NETO2: variants seen among roughly 807,000 people sequenced by gnomAD.
NETO2 encodes neuropilin and tolloid-like protein 2.
A neutral mutation model predicts 62.5 loss-of-function variants in NETO2; 28 were observed. The observed-to-expected ratio is 0.45, with a 90% CI of 0.33 to 0.61. The LOEUF (loss-of-function observed/expected upper bound fraction) is 0.61. Ranked by LOEUF, NETO2 falls within the 20% of genes least tolerant of loss-of-function variation. The pLI is 0.02. For missense variants in NETO2, 548 were observed against 643.2 expected, an observed-to-expected ratio of 0.85 and a Z score of 1.60; for synonymous variants, 214 against 219.1, an observed-to-expected ratio of 0.98 and a Z score of 0.21.
chr16:47,125,873 C>T (rs138535847), intron 4 of NETO2, among the ~76,000 whole-genome samples: 1 of 152,260 alleles, frequency 6.6e-6, no homozygotes, highest in African/African-American at 2.4e-5. Flanking sequence ...TTTAAGTTTA[C>T]AATTCAGTGG....
At chr16:47,140,007 A>G (rs1964431695) in intron 1 of NETO2, among the ~76,000 whole-genome samples, 1 of 152,212 alleles carries the variant, frequency 6.6e-6, no homozygotes, top group Non-Finnish European at 1.5e-5. Flanking sequence ...AACATGTCTT[A>G]ATGTCATTTT....
Position 47,141,833 on chromosome 16 carries a change from A to G in NETO2, c.34+1746T>C, listed in dbSNP as rs144583078. ...CCAGAATCCTTTCCTGAAAGGTACA[A>G]CACTCAACGCTTCACCACGATGGCC... On this transcript the variant is annotated intron_variant, in intron 1 of 8. Transcript: ENST00000562435. 5.8e-4 allele frequency among the ~76,000 whole-genome samples: 89 copies of G among 152,334 alleles called. 1 individual carries two copies. The East Asian group carries it at 0.014, about 23-fold the overall frequency.
chr16:47,143,941 G>C lies in NETO2; in HGVS notation c.-329C>G, dbSNP rs2151499470. The C allele has an allele frequency of 6.1e-6, 1 of 164,196 alleles. No homozygotes were observed. Among genetic ancestry groups the C allele is most frequent in the East Asian group, 1.7e-4 (1 of 5,838 alleles). The allele number at this position is 164,196 out of a possible 1,614,324, so 10.2% of individuals were successfully genotyped here. On this transcript the variant is annotated 5_prime_UTR_variant, in exon 1 of 9. Coordinates refer to ENST00000562435, the MANE Select transcript of NETO2 (RefSeq NM_018092.5). ...CCGCGGCCCCGGCGCGGGATCCACT[G>C]AAGTGGCGGGCGCGGGGCGCCCAGG...
In NETO2 at chr16:47,132,018, T is replaced by C; in HGVS notation, c.42A>G (p.Leu14=). 1 of 1,611,424 alleles carries C rather than the reference T, an allele frequency of 6.2e-7. No homozygotes were observed. Among genetic ancestry groups the C allele is most frequent in the South Asian group, 1.1e-5 (1 of 90,958 alleles). Residue 14 remains leucine (L), a synonymous_variant, in exon 2 of 9, where the codon TTA becomes TTG. Coordinates refer to ENST00000562435, the MANE Select transcript of NETO2 (RefSeq NM_018092.5). ...TCCCTTCCACTACCAGTACTGTTAT[T>C]AACAACACTAGAGAAATAACAGAGA... ...ERLCSVLKVL[L]ITVLVVEGIA...
intron 6 of NETO2, among the ~76,000 whole-genome samples, chr16:47,122,134 A>G (rs974385811): frequency 3.3e-5 from 5 of 152,172 alleles, no homozygotes; most frequent in African/African-American, 1.2e-4. Flanking sequence ...ATCCAATCTC[A>G]ATCTGTCAGA....
intron 1 of NETO2, among the ~76,000 whole-genome samples, chr16:47,137,532 T>C (rs931516927): frequency 1.3e-5 from 2 of 152,154 alleles, no homozygotes; most frequent in Non-Finnish European, 2.9e-5. Flanking sequence ...TTTGGAAACG[T>C]TGAACTTGAG....
intron 7 of NETO2, among the ~76,000 whole-genome samples, chr16:47,103,470 C>G (rs1963600052): frequency 6.6e-6 from 1 of 152,220 alleles, no homozygotes; most frequent in African/African-American, 2.4e-5. Context: ...AATCCTCAAA[C>G]TCTTTGAAAA....
intron 6 of NETO2, among the ~76,000 whole-genome samples, chr16:47,112,304 T>G (rs1441758781): frequency 6.6e-6 from 1 of 152,200 alleles, no homozygotes; most frequent in Non-Finnish European, 1.5e-5. Context: ...TAATGGTGAC[T>G]TTTAACATTT....
chr16:47,138,291 T>C (rs769734398), intron 1 of NETO2, among the ~76,000 whole-genome samples: 2 of 152,132 alleles, frequency 1.3e-5, no homozygotes, highest in Non-Finnish European at 2.9e-5. Flanking sequence ...TCCCAGCTAC[T>C]GGGGAGGCTG....
chr16:47,132,300 T>TAA (rs752562207), intron 1 of NETO2, among the ~76,000 whole-genome samples: 1 of 143,050 alleles, frequency 7.0e-6, no homozygotes. Context: ...TAGTTTTGTT[T>TAA]AAAAAAAAAA....
chr16:47,143,801 C>T lies in NETO2; in HGVS notation c.-189G>A. 1.3e-6 allele frequency: 1 copy of T among 777,448 alleles called. No homozygotes were observed. Among genetic ancestry groups the T allele is most frequent in the Non-Finnish European group, 1.7e-6 (1 of 586,970 alleles). 48.2% of individuals were successfully genotyped at this position (777,448 alleles called of 1,614,324 possible). A position where few individuals can be genotyped will look rare whatever the true frequency, so the allele number is the denominator to read the frequency against. On this transcript the variant is annotated 5_prime_UTR_variant, in exon 1 of 9. Transcript: ENST00000562435. ...GCCCGAGCCCCACAGTGGGCTCCCGCGCGGCCCGAGCACCCCGACGGGCGC... is the reference window on the plus strand; with the variant it reads ...GCCCGAGCCCCACAGTGGGCTCCCGTGCGGCCCGAGCACCCCGACGGGCGC...
At chr16:47,092,686 T>G (rs965383163) in intron 7 of NETO2, among the ~76,000 whole-genome samples, 1 of 152,184 alleles carries the variant, frequency 6.6e-6, no homozygotes, top group Non-Finnish European at 1.5e-5. Flanking sequence ...AGCCTCTGCA[T>G]AGTTTTTTAA....
At chr16:47,124,634 T>G (rs1964117443) in intron 4 of NETO2, among the ~76,000 whole-genome samples, 1 of 152,362 alleles carries the variant, frequency 6.6e-6, no homozygotes, top group Middle Eastern at 3.4e-3. Context: ...ATCCACATTT[T>G]AATAAGGCTT....
At chr16:47,126,551 T>A (rs1037691788) in intron 4 of NETO2, among the ~76,000 whole-genome samples, 3 of 152,174 alleles carry the variant, frequency 2.0e-5, no homozygotes, top group Admixed American at 6.5e-5. Flanking sequence ...TAAGGGCGGA[T>A]ACATGTCATC....
rs780023143 is a variant in NETO2 at position 47,129,307 on chromosome 16, C to T, written c.149G>A (p.Arg50Gln). 44 of 1,613,862 alleles carry T rather than the reference C, an allele frequency of 2.7e-5. No homozygotes were observed. The highest frequency in any genetic ancestry group is 2.2e-5 in the East Asian group (1 of 44,884). The stretch of plus-strand genomic sequence containing the variant: ...AGCAAAATGACCTCCATTGCTGGTT[C>T]GAACCCAAATGCCACACTGGGTTGC... ...IPATQCGIWVRTSNGGHFASP... is the reference protein window; with the variant it reads ...IPATQCGIWVQTSNGGHFASP... Residue 50 changes from arginine to glutamine, a missense_variant, in exon 3 of 9, where the codon CGA (arginine) becomes CAA (glutamine). Physicochemically the swap from Arg to Gln is conservative, Grantham distance 43 (BLOSUM62 1). Transcript: ENST00000562435.
chr16:47,102,125 C>T (rs1439352307), intron 7 of NETO2, among the ~76,000 whole-genome samples: 4 of 152,112 alleles, frequency 2.6e-5, no homozygotes, highest in Non-Finnish European at 5.9e-5. Context: ...TCAGAAACAA[C>T]GTCACATATC....
intron 7 of NETO2, among the ~76,000 whole-genome samples, chr16:47,105,380 A>T (rs923415102): frequency 6.6e-6 from 1 of 152,208 alleles, no homozygotes; most frequent in Admixed American, 6.5e-5. Flanking sequence ...AAGAGCTAAA[A>T]CTATAAAACT....
chr16:47,133,725 T>TG (rs1964316441), intron 1 of NETO2, among the ~76,000 whole-genome samples: 1 of 152,062 alleles, frequency 6.6e-6, no homozygotes, highest in Non-Finnish European at 1.5e-5. Flanking sequence ...TAATACAGTG[T>TG]GGTTGGCAAG....
chr16:47,118,727 TTTTA>T (rs1222019948), intron 6 of NETO2, among the ~76,000 whole-genome samples: 11 of 150,208 alleles, frequency 7.3e-5, no homozygotes, highest in Admixed American at 3.3e-4. Flanking sequence ...GCCAATCTTA[TTTTA>T]TTTGTCTCTC....
Sources: gnomAD v4.1 joint callset for allele counts (sites outside exome capture counted in the v4.1 genomes callset) on GRCh38, gnomAD v4.1.1 for gene constraint, MANE v1.5 for transcripts, NCBI Gene and HGNC (gene_info 2026-07-23, HGNC 2026-07-21) for gene names.